The following NAALADL2 variants were observed in gnomAD, a reference collection of about 807,000 sequenced individuals.
The protein encoded by NAALADL2 is inactive N-acetylated-alpha-linked acidic dipeptidase-like protein 2.
NAALADL2 carries 76 observed loss-of-function variants against 87.2 expected under a neutral mutation model. The ratio of observed to expected loss-of-function variants is 0.87; its 90% CI spans 0.72 to 1.05. NAALADL2 has a LOEUF of 1.05. Ranked by LOEUF, NAALADL2 falls within the 50% of genes least tolerant of loss-of-function variation. NAALADL2 has a pLI of 0.00. For missense variants in NAALADL2, 1,089 were observed against 945.8 expected (o/e 1.15, Z -1.99); for synonymous variants, 354 against 331.0 (o/e 1.07, Z -0.75).
At chr3:175,311,292 A>G (rs1036862459) in intron 4 of NAALADL2, among the ~76,000 whole-genome samples, 1 of 151,592 alleles carries the variant, frequency 6.6e-6, no homozygotes, top group Non-Finnish European at 1.5e-5. Flanking sequence ...GTCAAATAAC[A>G]TTATATGAAT....
chr3:174,639,935 T>G (rs1723006652), intron 2 of NAALADL2, among the ~76,000 whole-genome samples: 2 of 152,216 alleles, frequency 1.3e-5, no homozygotes. Context: ...CGTCATTTTT[T>G]TCTGCTAGAA....
At chr3:175,535,060 T>G (rs1340755399) in intron 9 of NAALADL2, among the ~76,000 whole-genome samples, 1 of 152,130 alleles carries the variant, frequency 6.6e-6, no homozygotes, top group Non-Finnish European at 1.5e-5. Flanking sequence ...TGGTGCATTA[T>G]TAGAGCAATC....
intron 1 of NAALADL2, among the ~76,000 whole-genome samples, chr3:174,475,345 A>G (rs1717153220): frequency 6.6e-6 from 1 of 151,958 alleles, no homozygotes; most frequent in African/African-American, 2.4e-5. Context: ...GACAATACTG[A>G]TGTTGCATCA....
At chr3:175,152,631 A>G (rs911207969) in intron 2 of NAALADL2, among the ~76,000 whole-genome samples, 5 of 152,132 alleles carry the variant, frequency 3.3e-5, no homozygotes, top group African/African-American at 1.2e-4. Flanking sequence ...ATTGTCTAGG[A>G]GCAGTGGCTC....
chr3:175,652,710 C>T (rs975541891), intron 11 of NAALADL2, among the ~76,000 whole-genome samples: 1 of 152,026 alleles, frequency 6.6e-6, no homozygotes, highest in Non-Finnish European at 1.5e-5. Flanking sequence ...GATCTCCTGA[C>T]CTCGTGATCC....
At position 175,364,980 on chromosome 3, in the gene NAALADL2, A is replaced by G. The variant is rs74654372; in HGVS notation, c.1090+40655A>G. Among the ~76,000 whole-genome samples, 76 of 147,716 alleles carry G rather than the reference A, an allele frequency of 5.1e-4. 4 individuals are homozygous for G. Among genetic ancestry groups the G allele is most frequent in the Admixed American group, 3.1e-3 (45 of 14,380 alleles). On this transcript the variant is annotated intron_variant, in intron 5 of 13. Transcript: ENST00000454872. ...GTACATTTCTGTTGGAAAATCTGAT[A>G]CTGTTAGTGTATGAAAATAATCTTT...
intron 11 of NAALADL2, among the ~76,000 whole-genome samples, chr3:175,708,352 G>C (rs1030407999): frequency 6.6e-6 from 1 of 152,048 alleles, no homozygotes; most frequent in Non-Finnish European, 1.5e-5. Flanking sequence ...GTCCAGGGAG[G>C]CCAGTTCAAA....
At chr3:175,617,758 A>G (rs1024447808) in intron 10 of NAALADL2, among the ~76,000 whole-genome samples, 5 of 152,258 alleles carry the variant, frequency 3.3e-5, no homozygotes, top group African/African-American at 1.2e-4. Context: ...GTGTCCTTCA[A>G]CTGAATCAGG....
chr3:175,363,705 A>C, intron 5 of NAALADL2, among the ~76,000 whole-genome samples: 1 of 148,132 alleles, frequency 6.8e-6, no homozygotes, highest in Non-Finnish European at 1.5e-5. Flanking sequence ...AATTAAAATA[A>C]ATATTTGCCA....
intron 1 of NAALADL2, among the ~76,000 whole-genome samples, chr3:175,067,773 A>G (rs1714807957): frequency 6.6e-6 from 1 of 152,116 alleles, no homozygotes; most frequent in Non-Finnish European, 1.5e-5. Flanking sequence ...TATTATACCA[A>G]AAAGACACAG....
Position 175,454,492 on chromosome 3 carries a change from C to T in NAALADL2, c.1234+7120C>T, listed in dbSNP as rs146398939. Among the ~76,000 whole-genome samples, 21 of 152,070 alleles carry T rather than the reference C, an allele frequency of 1.4e-4. No individual in the cohort carries two copies. The East Asian group carries it at 4.1e-3, about 29-fold the overall frequency. On this transcript the variant is annotated intron_variant, in intron 6 of 13. Coordinates refer to ENST00000454872, the MANE Select transcript of NAALADL2 (RefSeq NM_207015.3). The stretch of plus-strand genomic sequence containing the variant: ...GAGGAAGAATCTTTTTTTAGAACCA[C>T]CTTCTTCATCCCAGTTTTGGTAAGC...
chr3:175,652,640 G>A (rs550482941), intron 11 of NAALADL2, among the ~76,000 whole-genome samples: 40 of 151,748 alleles, frequency 2.6e-4, no homozygotes, highest in South Asian at 4.2e-4. Flanking sequence ...CACCGCGCCC[G>A]GCTAATTTTT....
At chr3:174,623,612 A>C (rs1229622895) in intron 2 of NAALADL2, among the ~76,000 whole-genome samples, 1 of 151,334 alleles carries the variant, frequency 6.6e-6, no homozygotes, top group Admixed American at 6.6e-5. Context: ...ATTTTTTTCC[A>C]ATTGTTGCAT....
rs1720651164 is a variant in NAALADL2 at position 174,815,133 on chromosome 3, A to G, written c.-9+77387A>G. Among the ~76,000 whole-genome samples the G allele has an allele frequency of 2.6e-5, 4 of 152,174 alleles. No homozygotes were observed. In the South Asian group the frequency reaches 8.3e-4, roughly 31 times the overall value. On this transcript the variant is annotated intron_variant, in intron 3 of 3. Coordinates refer to the NAALADL2 transcript ENST00000434257. The stretch of plus-strand genomic sequence containing the variant: ...AGCATCCTTGGGCTCACTTCTCTGT[A>G]GAAGTAAGTGGTCATTTGTTTAGCA...
intron 13 of NAALADL2, among the ~76,000 whole-genome samples, chr3:175,787,651 A>T (rs897639670): frequency 6.6e-6 from 1 of 152,060 alleles, no homozygotes; most frequent in African/African-American, 2.4e-5. Context: ...CTCAGATGGA[A>T]ATGCAGAAAT....
chr3:175,617,667 A>G (rs1014640807), intron 10 of NAALADL2, among the ~76,000 whole-genome samples: 1 of 152,148 alleles, frequency 6.6e-6, no homozygotes, highest in Non-Finnish European at 1.5e-5. Flanking sequence ...TCAGAGCACT[A>G]TCTGGTCCTA....
chr3:175,697,167 T>C (rs561577493), intron 11 of NAALADL2, among the ~76,000 whole-genome samples: 2 of 152,184 alleles, frequency 1.3e-5, no homozygotes, highest in South Asian at 4.1e-4. Context: ...TTAGATTTTA[T>C]GGTGAAATTT....
At chr3:175,688,120 T>G (rs1261792362) in intron 11 of NAALADL2, among the ~76,000 whole-genome samples, 1 of 152,134 alleles carries the variant, frequency 6.6e-6, no homozygotes, top group African/African-American at 2.4e-5. Flanking sequence ...GTTAAGATAC[T>G]AAAGTTAAGG....
intron 3 of NAALADL2, among the ~76,000 whole-genome samples, chr3:174,827,088 C>A (rs1722078878): frequency 6.6e-6 from 1 of 152,102 alleles, no homozygotes; most frequent in East Asian, 1.9e-4. Flanking sequence ...ATCTTCTCTT[C>A]GTTGGATGAA....
Sources: allele counts gnomAD v4.1 joint callset (sites outside exome capture counted in the v4.1 genomes callset), GRCh38; gene constraint gnomAD v4.1.1; transcripts MANE v1.5; gene names NCBI Gene and HGNC (gene_info 2026-07-23, HGNC 2026-07-21).